Variants in COL26A1 observed in about 807,000 individuals in gnomAD.
COL26A1 encodes collagen type XXVI alpha 1 chain.
Under a neutral mutation model 59.3 loss-of-function variants are expected in COL26A1, and 41 were observed. That is an observed-to-expected ratio of 0.69 (90% CI 0.54 to 0.90). COL26A1 has a LOEUF of 0.90. Ranked by LOEUF, COL26A1 falls within the 40% of genes least tolerant of loss-of-function variation. The pLI is 0.00. For missense variants in COL26A1, 612 were observed against 602.3 expected, an observed-to-expected ratio of 1.02 and a Z score of -0.17; for synonymous variants, 266 against 256.0, an observed-to-expected ratio of 1.04 and a Z score of -0.37.
intron 3 of COL26A1, among the ~76,000 whole-genome samples, chr7:101,527,171 A>G (rs1181238496): frequency 1.3e-5 from 2 of 151,606 alleles, no homozygotes; most frequent in African/African-American, 4.9e-5. Flanking sequence ...GGGTCCTGCC[A>G]TGTTGCCCCG....
In COL26A1 at chr7:101,517,798, ATTTTTTTTTTTTTT is replaced by A. The variant is rs869245512; in HGVS notation, c.386-15264_386-15251del. 2.9e-3 allele frequency among the ~76,000 whole-genome samples: 223 copies of A among 76,914 alleles called. 1 individual carries two copies. Among genetic ancestry groups the A allele is most frequent in the African/African-American group, 9.4e-3 (201 of 21,296 alleles). 50.5% of individuals were successfully genotyped at this position (76,914 alleles called of 152,430 possible). ...TCAGAGAAGCTTCCCTTCTCCCCGC[ATTTTTTTTTTTTTT>A]TTTTTTTTTTTTTTTTTTTGAGATG... On this transcript the variant is annotated intron_variant, in intron 3 of 12. Coordinates refer to ENST00000313669, the MANE Select transcript of COL26A1 (RefSeq NM_001278563.3).
chr7:101,520,255 T>G lies in COL26A1; in HGVS notation c.386-12827T>G, dbSNP rs1373557458. ...GAAGGTCTCAGGGTACGCTCTTGAG[T>G]CAAGCCCACCCAACACCTGCCTGGG... On this transcript the variant is annotated intron_variant, in intron 3 of 12. Transcript: ENST00000313669. 2.6e-5 allele frequency among the ~76,000 whole-genome samples: 4 copies of G among 151,970 alleles called. No individual in the cohort carries two copies. The East Asian group carries it at 7.8e-4, about 30-fold the overall frequency.
intron 3 of COL26A1, among the ~76,000 whole-genome samples, chr7:101,523,085 T>G (rs1192255484): frequency 7.7e-4 from 117 of 152,164 alleles, no homozygotes; most frequent in Non-Finnish European, 3.1e-4. Flanking sequence ...TTTTTTTTTT[T>G]TGAGGTGGAG....
At chr7:101,394,868 T>C (rs1478783483) in intron 1 of COL26A1, among the ~76,000 whole-genome samples, 1 of 143,838 alleles carries the variant, frequency 7.0e-6, no homozygotes, top group African/African-American at 2.6e-5. Flanking sequence ...CTTTTTCTTT[T>C]CTTTTTTTTT....
At chr7:101,473,339 A>G (rs1320028959) in intron 3 of COL26A1, among the ~76,000 whole-genome samples, 3 of 151,794 alleles carry the variant, frequency 2.0e-5, no homozygotes, top group Non-Finnish European at 2.9e-5. Flanking sequence ...GCCTCCCAAA[A>G]TGCTGGGATT....
Position 101,547,198 on chromosome 7 carries a change from TG to T in COL26A1, c.901del (p.Ala301GlnfsTer48). On this transcript the variant is annotated frameshift_variant, in exon 8 of 13. Transcript: ENST00000313669. LOFTEE classifies it high-confidence loss of function. ...GCCTCTGCCATCGTGGACACAGTGCTGGCAGGTGTCCCAGGACCCCGGGGTC... is the reference window on the plus strand; with the variant it reads ...GCCTCTGCCATCGTGGACACAGTGCTGCAGGTGTCCCAGGACCCCGGGGTC... ...RLASAIVDTVLAGVPGPRGPP... is the reference protein window; with the variant it reads ...RLASAIVDTVXAGVPGPRGPP... 3 of 1,597,384 alleles carry T rather than the reference TG, an allele frequency of 1.9e-6. No individual in the cohort carries two copies. Among genetic ancestry groups the T allele is most frequent in the Non-Finnish European group, 2.6e-6 (3 of 1,173,738 alleles).
intron 1 of COL26A1, among the ~76,000 whole-genome samples, chr7:101,384,724 A>G (rs1467131986): frequency 3.3e-5 from 5 of 152,174 alleles, no homozygotes; most frequent in African/African-American, 9.7e-5. Flanking sequence ...ATATGTATAT[A>G]TGAAAGGGAG....
intron 4 of COL26A1, among the ~76,000 whole-genome samples, chr7:101,538,158 T>C (rs1350892047): frequency 1.3e-5 from 2 of 152,184 alleles, no homozygotes; most frequent in African/African-American, 2.4e-5. Flanking sequence ...ACAGCCACCG[T>C]CTTCTTGCTC....
chr7:101,529,947 A>G (rs1242110846), intron 3 of COL26A1, among the ~76,000 whole-genome samples: 2 of 152,166 alleles, frequency 1.3e-5, no homozygotes, highest in Non-Finnish European at 2.9e-5. Context: ...GAAGGCAGGC[A>G]TTCGGGTCTG....
intron 1 of COL26A1, among the ~76,000 whole-genome samples, chr7:101,414,149 G>A (rs187034047): frequency 3.9e-5 from 6 of 152,186 alleles, no homozygotes; most frequent in Admixed American, 1.3e-4. Flanking sequence ...TCCCTTCTTC[G>A]TTGTTTTTGG....
At chr7:101,522,923 G>A (rs1035279679) in intron 3 of COL26A1, among the ~76,000 whole-genome samples, 139 of 152,140 alleles carry the variant, frequency 9.1e-4, no homozygotes, top group African/African-American at 3.3e-3. Flanking sequence ...TCCCTGATAT[G>A]GCAAATGAAC....
chr7:101,391,854 C>CTTTCT (rs139380820), intron 1 of COL26A1, among the ~76,000 whole-genome samples: 7,998 of 149,284 alleles, frequency 0.054, 248 homozygotes, highest in African/African-American at 0.075. Context: ...CATGCCAAGC[C>CTTTCT]TTTCTTTTCT....
intron 9 of COL26A1, among the ~76,000 whole-genome samples, chr7:101,549,432 A>G (rs928690540): frequency 6.6e-6 from 1 of 152,030 alleles, no homozygotes; most frequent in Non-Finnish European, 1.5e-5. Context: ...CCCAGGCTGG[A>G]GTGCAGTGGC....
intron 3 of COL26A1, among the ~76,000 whole-genome samples, chr7:101,522,021 G>C (rs543317577): frequency 6.6e-6 from 1 of 152,242 alleles, no homozygotes; most frequent in South Asian, 2.1e-4. Flanking sequence ...CCATTAATAG[G>C]AATTTGGGCT....
intron 3 of COL26A1, among the ~76,000 whole-genome samples, chr7:101,472,521 C>T (rs1793928263): frequency 6.6e-6 from 1 of 152,144 alleles, no homozygotes; most frequent in African/African-American, 2.4e-5. Flanking sequence ...GGTTGAGACT[C>T]CTCCAACAGG....
chr7:101,535,266 T>A (rs1158992081), intron 4 of COL26A1, among the ~76,000 whole-genome samples: 1 of 152,078 alleles, frequency 6.6e-6, no homozygotes. Flanking sequence ...AGAATGAGTA[T>A]AGGGGAAGAT....
chr7:101,473,608 CCACACACACACACA>C (rs150820078), intron 3 of COL26A1, among the ~76,000 whole-genome samples: 5,426 of 143,440 alleles, frequency 0.038, 147 homozygotes, highest in Admixed American at 0.071. Flanking sequence ...CACCTTGTCT[CCACACACACACACA>C]CACACACACA....
intron 3 of COL26A1, among the ~76,000 whole-genome samples, chr7:101,462,045 G>A (rs752940666): frequency 6.8e-6 from 1 of 147,380 alleles, no homozygotes; most frequent in Middle Eastern, 3.8e-3. Context: ...TGTTACCCAG[G>A]CTGGAGTGCA....
intron 3 of COL26A1, among the ~76,000 whole-genome samples, chr7:101,462,984 TC>T (rs1025731845): frequency 4.3e-4 from 65 of 151,956 alleles, no homozygotes; most frequent in African/African-American, 1.5e-3. Context: ...AGAAGAGGGG[TC>T]CCAGAAGAGA....
Sources: gnomAD v4.1 joint callset for allele counts (sites outside exome capture counted in the v4.1 genomes callset) on GRCh38, gnomAD v4.1.1 for gene constraint, MANE v1.5 for transcripts, NCBI Gene and HGNC (gene_info 2026-07-23, HGNC 2026-07-21) for gene names.